Variants in NXPE2 observed in about 807,000 individuals in gnomAD.
NXPE2 encodes the protein neurexophilin and PC-esterase domain family member 2.
NXPE2 carries 34 observed loss-of-function variants against 34.4 expected under a neutral mutation model. The ratio of observed to expected loss-of-function variants is 0.99; its 90% CI spans 0.75 to 1.31. The LOEUF is 1.31. Ranked by LOEUF, NXPE2 falls within the 40% of genes most tolerant of loss-of-function variation. The pLI is 0.00. For synonymous variants in NXPE2, 235 were observed against 231.3 expected (o/e 1.02, Z -0.15); for missense variants, 649 against 672.5 (o/e 0.97, Z 0.39).
At chr11:114,725,737 T>C in the NXPE2 span, among the ~76,000 whole-genome samples, 1 of 151,826 alleles carries the variant, frequency 6.6e-6, no homozygotes, top group Non-Finnish European at 1.5e-5. Context: ...TTTACTTAAT[T>C]GAGCTCAAAC....
chr11:114,666,392 T>C, the NXPE2 span, among the ~76,000 whole-genome samples: 1 of 152,148 alleles, frequency 6.6e-6, no homozygotes, highest in Non-Finnish European at 1.5e-5. Flanking sequence ...AGATTTTTTT[T>C]CCCCTAAAGG....
At chr11:114,568,940 C>T in the NXPE2 span, among the ~76,000 whole-genome samples, 2 of 151,690 alleles carry the variant, frequency 1.3e-5, no homozygotes. Flanking sequence ...GACTATATAC[C>T]TAAAGACTAG....
chr11:114,485,277 T>A, the NXPE2 span, among the ~76,000 whole-genome samples: 1 of 151,928 alleles, frequency 6.6e-6, no homozygotes, highest in African/African-American at 2.4e-5. Context: ...GGCACGATCT[T>A]GGCTCACTGC....
chr11:114,808,439 G>A, the NXPE2 span, among the ~76,000 whole-genome samples: 37 of 147,132 alleles, frequency 2.5e-4, no homozygotes, highest in African/African-American at 8.8e-4. Flanking sequence ...AAATTGATAG[G>A]CTGCTAGCAA....
At chr11:114,607,711 T>C in the NXPE2 span, among the ~76,000 whole-genome samples, 234 of 152,028 alleles carry the variant, frequency 1.5e-3, 1 homozygote, top group African/African-American at 5.3e-3. Context: ...TGGTGGATAA[T>C]AATTGTTGCC....
chr11:114,776,945 AACTT>A, the NXPE2 span, among the ~76,000 whole-genome samples: 1 of 152,232 alleles, frequency 6.6e-6, no homozygotes, highest in African/African-American at 2.4e-5. Flanking sequence ...ATGTCCCAAT[AACTT>A]AATAGCCATT....
the NXPE2 span, among the ~76,000 whole-genome samples, chr11:114,724,756 T>C: frequency 2.8e-4 from 43 of 152,032 alleles, no homozygotes; most frequent in African/African-American, 1.0e-3. Context: ...TTGACCTCAC[T>C]GTGTCTACCT....
At position 114,698,296 on chromosome 11, in the gene NXPE2, G is replaced by A; in HGVS notation, c.384G>A (p.Gln128=). The A allele has an allele frequency of 6.2e-7, 1 of 1,613,916 alleles. No individual in the cohort carries two copies. Among genetic ancestry groups the A allele is most frequent in the Non-Finnish European group, 8.5e-7 (1 of 1,179,840 alleles). ...AAGATACGTACTGCAGGGGGGATCA[G>A]CTGGACATCCTTCTGGAGGTGAGGG... ...NPQDTYCRGD[Q]LDILLEVRDH... is the part of the protein sequence containing the mutation. Residue 128 remains glutamine, a synonymous_variant, in exon 3 of 6, where the codon CAG becomes CAA. Coordinates refer to ENST00000389586, the MANE Select transcript of NXPE2 (RefSeq NM_182495.6).
the NXPE2 span, among the ~76,000 whole-genome samples, chr11:114,643,746 T>C: frequency 6.6e-6 from 1 of 152,134 alleles, no homozygotes; most frequent in East Asian, 1.9e-4. Context: ...TATGGGCTCT[T>C]TTTTGGTACC....
chr11:114,537,410 AG>A, the NXPE2 span, among the ~76,000 whole-genome samples: 6 of 152,184 alleles, frequency 3.9e-5, no homozygotes, highest in Non-Finnish European at 2.9e-5. Flanking sequence ...TATTCAACAT[AG>A]GGTTGGAAGT....
chr11:114,615,353 C>A, the NXPE2 span, among the ~76,000 whole-genome samples: 1 of 151,980 alleles, frequency 6.6e-6, no homozygotes, highest in African/African-American at 2.4e-5. Flanking sequence ...AGTTTTGCCT[C>A]GTGGATAACC....
the NXPE2 span, among the ~76,000 whole-genome samples, chr11:114,727,367 G>C: frequency 6.6e-6 from 1 of 151,946 alleles, no homozygotes; most frequent in Non-Finnish European, 1.5e-5. Flanking sequence ...TATAAAAAGA[G>C]CATTAATTCC....
chr11:114,692,069 A>T (rs1002599369), intron 2 of NXPE2, among the ~76,000 whole-genome samples: 5 of 152,178 alleles, frequency 3.3e-5, no homozygotes, highest in African/African-American at 1.2e-4. Context: ...AACTCTCTGC[A>T]TTCACCACTC....
chr11:114,744,897 T>C, the NXPE2 span, among the ~76,000 whole-genome samples: 25 of 152,318 alleles, frequency 1.6e-4, no homozygotes, highest in African/African-American at 5.8e-4. Flanking sequence ...CTATGAAAGC[T>C]GTTCATTTTG....
intron 2 of NXPE2, among the ~76,000 whole-genome samples, chr11:114,697,294 C>T (rs949298469): frequency 1.3e-5 from 2 of 152,126 alleles, no homozygotes; most frequent in Non-Finnish European, 1.5e-5. Context: ...GGGAGGATTA[C>T]ATAAAAATGG....
the NXPE2 span, among the ~76,000 whole-genome samples, chr11:114,603,997 T>C: frequency 1.3e-5 from 2 of 151,918 alleles, no homozygotes; most frequent in Non-Finnish European, 2.9e-5. Flanking sequence ...TATTGCCTCG[T>C]CTCCTAGGTA....
At chr11:114,727,595 A>C in the NXPE2 span, among the ~76,000 whole-genome samples, 2 of 152,184 alleles carry the variant, frequency 1.3e-5, no homozygotes, top group East Asian at 3.9e-4. Flanking sequence ...AACTTATAAT[A>C]CACAACTTAT....
the NXPE2 span, among the ~76,000 whole-genome samples, chr11:114,482,264 G>A: frequency 6.6e-6 from 1 of 152,308 alleles, no homozygotes; most frequent in African/African-American, 2.4e-5. Context: ...TTGAGGCTGA[G>A]GTTAGGAATG....
the NXPE2 span, chr11:114,530,653 C>T: frequency 1.2e-6 from 2 of 1,614,200 alleles, no homozygotes; most frequent in Non-Finnish European, 1.7e-6. Flanking sequence ...AGTAGGATGT[C>T]CAGCTGGTCT....
Sources: gnomAD v4.1 joint callset for allele counts (sites outside exome capture counted in the v4.1 genomes callset) on GRCh38, gnomAD v4.1.1 for gene constraint, MANE v1.5 for transcripts, NCBI Gene and HGNC (gene_info 2026-07-23, HGNC 2026-07-21) for gene names.